TUSC3: variants seen among roughly 807,000 people sequenced by gnomAD.
The protein encoded by TUSC3 is dolichyl-diphosphooligosaccharide--protein glycosyltransferase subunit TUSC3.
A neutral mutation model predicts 44.8 loss-of-function variants in TUSC3; 45 were observed. That is an observed-to-expected ratio of 1.00 (90% confidence interval 0.79 to 1.29). The LOEUF (loss-of-function observed/expected upper bound fraction) is 1.29, where lower values mean the gene tolerates loss of function less well. Among genes scored for constraint, TUSC3 ranks in the 50% most tolerant of loss-of-function variants. TUSC3 has a pLI of 0.00. For missense variants in TUSC3, 519 were observed against 437.9 expected, an observed-to-expected ratio of 1.19 and a Z score of -1.65; for synonymous variants, 212 against 152.9, an observed-to-expected ratio of 1.39 and a Z score of -2.85.
At chr8:15,573,166 CTT>C (rs1491555774) in intron 1 of TUSC3, among the ~76,000 whole-genome samples, 7,064 of 98,754 alleles carry the variant, frequency 0.072, 253 homozygotes, top group East Asian at 0.18. Context: ...TGTTCTCTCT[CTT>C]TCTCTCTCTC....
chr8:15,425,720 T>C (rs779517600), intron 1 of TUSC3, among the ~76,000 whole-genome samples: 18 of 152,238 alleles, frequency 1.2e-4, no homozygotes, highest in Non-Finnish European at 2.6e-4. Context: ...AAATCTCTCA[T>C]GGCTTTGATC....
chr8:15,544,326 T>G (rs1801791508), intron 1 of TUSC3, among the ~76,000 whole-genome samples: 1 of 151,818 alleles, frequency 6.6e-6, no homozygotes, highest in Non-Finnish European at 1.5e-5. Context: ...CTTCTGATAA[T>G]GTGAAAAGAG....
chr8:15,836,553 C>T, the TUSC3 span, among the ~76,000 whole-genome samples: 1 of 151,696 alleles, frequency 6.6e-6, no homozygotes, highest in East Asian at 1.9e-4. Flanking sequence ...TACCCTTTTC[C>T]ACTCCCTGTA....
chr8:15,769,885 T>G (rs546385426), downstream of TUSC3, among the ~76,000 whole-genome samples: 9 of 152,294 alleles, frequency 5.9e-5, no homozygotes, highest in South Asian at 2.1e-4. Context: ...TCTCGCCAGT[T>G]AGAATGGCGA....
At chr8:15,497,813 C>T (rs1461780310) in intron 2 of TUSC3, among the ~76,000 whole-genome samples, 1 of 151,420 alleles carries the variant, frequency 6.6e-6, no homozygotes, top group South Asian at 2.1e-4. Flanking sequence ...GGTGTGATCT[C>T]AGCTCACTGC....
the TUSC3 span, chr8:15,807,120 A>G: frequency 4.5e-6 from 5 of 1,109,888 alleles, no homozygotes; most frequent in African/African-American, 1.5e-5. Flanking sequence ...CACAGCAAAG[A>G]ATGACCACCT....
chr8:15,537,231 A>G (rs1332817246), upstream of TUSC3, among the ~76,000 whole-genome samples: 1 of 151,998 alleles, frequency 6.6e-6, no homozygotes, highest in Non-Finnish European at 1.5e-5. Context: ...ATTCCTTTCC[A>G]CTGATCCCAG....
intron 1 of TUSC3, among the ~76,000 whole-genome samples, chr8:15,546,360 C>T (rs1801864010): frequency 6.6e-6 from 1 of 151,734 alleles, no homozygotes; most frequent in African/African-American, 2.4e-5. Context: ...CTTTGTAGTT[C>T]TTACCCTGTA....
intron 2 of TUSC3, among the ~76,000 whole-genome samples, chr8:15,645,427 AT>A (rs1328318424): frequency 2.0e-5 from 3 of 150,832 alleles, no homozygotes; most frequent in Non-Finnish European, 3.0e-5. Flanking sequence ...TTATTTTCCA[AT>A]TTTTTTTTAC....
At chr8:15,539,200 G>T (rs1801586414), upstream of TUSC3, among the ~76,000 whole-genome samples, 1 of 151,812 alleles carries the variant, frequency 6.6e-6, no homozygotes, top group Admixed American at 6.6e-5. Context: ...ATTTTAAGAA[G>T]GCGTCTACAG....
chr8:15,494,315 A>ATCT (rs1800849746), intron 2 of TUSC3, among the ~76,000 whole-genome samples: 1 of 102,346 alleles, frequency 9.8e-6, no homozygotes, highest in Non-Finnish European at 2.1e-5. Context: ...CTTATCTCTC[A>ATCT]TCTTCTTTTT....
At chr8:15,417,787 C>T (rs972428670) in intron 1 of TUSC3, among the ~76,000 whole-genome samples, 1 of 152,094 alleles carries the variant, frequency 6.6e-6, no homozygotes, top group African/African-American at 2.4e-5. Context: ...AGTTAATGTT[C>T]CTGATTGGCG....
At chr8:15,730,811 A>G (rs1810691298) in intron 7 of TUSC3, 82 bp downstream of exon 7, 1 of 1,351,792 alleles carries the variant, frequency 7.4e-7, no homozygotes, top group Non-Finnish European at 1.0e-6. Flanking sequence ...CTGGCAGTAA[A>G]TATCAAGACT....
chr8:15,562,872 T>TTA (rs1227833761), intron 1 of TUSC3, among the ~76,000 whole-genome samples: 1 of 152,164 alleles, frequency 6.6e-6, no homozygotes, highest in Non-Finnish European at 1.5e-5. Flanking sequence ...TAATCCAGGA[T>TTA]AATCTCTCAT....
the TUSC3 span, among the ~76,000 whole-genome samples, chr8:15,822,193 G>A: frequency 2.6e-5 from 4 of 151,680 alleles, no homozygotes; most frequent in Non-Finnish European, 5.9e-5. Context: ...AGAAAAAAAC[G>A]GGTGAACTGT....
At chr8:15,573,645 C>G (rs1266142454) in intron 1 of TUSC3, among the ~76,000 whole-genome samples, 2 of 151,910 alleles carry the variant, frequency 1.3e-5, no homozygotes, top group African/African-American at 4.8e-5. Context: ...GTTTATGAAC[C>G]CTCAGACTTT....
intron 6 of TUSC3, among the ~76,000 whole-genome samples, chr8:15,719,322 C>G (rs1017010517): frequency 1.3e-5 from 2 of 152,008 alleles, no homozygotes; most frequent in African/African-American, 4.8e-5. Context: ...TGACTAACTG[C>G]CTTGCCTTGT....
At chr8:15,497,829 C>G (rs1324056578) in intron 2 of TUSC3, among the ~76,000 whole-genome samples, 1 of 151,870 alleles carries the variant, frequency 6.6e-6, no homozygotes, top group African/African-American at 2.4e-5. Flanking sequence ...ACTGCAACCT[C>G]CGCCTCCCGG....
At chr8:15,651,920 C>T (rs1438236885) in intron 3 of TUSC3, among the ~76,000 whole-genome samples, 1 of 152,132 alleles carries the variant, frequency 6.6e-6, no homozygotes, top group Non-Finnish European at 1.5e-5. Context: ...TGTATTATTT[C>T]ATCTAGCTTC....
Sources: allele counts gnomAD v4.1 joint callset (sites outside exome capture counted in the v4.1 genomes callset), GRCh38; gene constraint gnomAD v4.1.1; transcripts MANE v1.5; gene names NCBI Gene and HGNC (gene_info 2026-07-23, HGNC 2026-07-21).